Variants in DLG3 observed in about 807,000 individuals in gnomAD.
DLG3 encodes discs large MAGUK scaffold protein 3.
DLG3 carries 1 observed loss-of-function variant against 64.1 expected under a neutral mutation model. The observed-to-expected ratio is 0.02, with a 90% confidence interval of 0.01 to 0.07. The LOEUF (loss-of-function observed/expected upper bound fraction) is 0.07. Among genes scored for constraint, DLG3 ranks in the 10% least tolerant of loss-of-function variants. DLG3 has a pLI of 1.00. For synonymous variants in DLG3, 245 were observed against 259.8 expected, an observed-to-expected ratio of 0.94 and a Z score of 0.55; for missense variants, 429 against 669.5, an observed-to-expected ratio of 0.64 and a Z score of 3.96.
rs6625614 is a variant in DLG3 at position 70,471,487 on chromosome X, G to A, written c.1406-7663G>A. Among the ~76,000 whole-genome samples the A allele has an allele frequency of 9.1e-5, 10 of 110,173 alleles. No homozygotes were observed. In the East Asian group the frequency reaches 2.6e-3, roughly 28 times the overall value. ...TGGGACTACAGGCGCCCGCCACCAC[G>A]CCCGGCTAATTTTTTGTATTTTCAG... is the stretch of plus-strand genomic sequence containing the variant. On this transcript the variant is annotated intron_variant, in intron 9 of 18. Transcript: ENST00000374360.
intron 12 of DLG3, among the ~76,000 whole-genome samples, chrX:70,493,085 G>T (rs937324825): frequency 2.7e-5 from 3 of 111,869 alleles, no homozygotes; most frequent in African/African-American, 9.8e-5. Flanking sequence ...GGTACCTTAG[G>T]GCATGTGTCC....
Position 70,444,911 on chromosome X carries a change from T to G in DLG3, c.-291T>G. 1 of 187,962 alleles carries G rather than the reference T, an allele frequency of 5.3e-6. No homozygotes were observed. Among genetic ancestry groups the G allele is most frequent in the Non-Finnish European group, 9.8e-6 (1 of 101,765 alleles). 15.5% of individuals were successfully genotyped at this position (187,962 alleles called of 1,213,427 possible). On this transcript the variant is annotated 5_prime_UTR_variant, in exon 1 of 19. Transcript: ENST00000374360. ...CCCATTCTCTGCTTGAGCTCCCGCT[T>G]CTTCTTTGCCGCTGGGCCTCGGCCC...
chrX:70,500,099 G>T, intron 16 of DLG3, 50 bp downstream of exon 16: 1 of 1,098,829 alleles, frequency 9.1e-7, no homozygotes, highest in Non-Finnish European at 1.2e-6. Context: ...CTTATGCCAA[G>T]GTTCCACTTG....
At chrX:70,464,208 TC>T (rs1251491427) in intron 9 of DLG3, among the ~76,000 whole-genome samples, 4 of 104,846 alleles carry the variant, frequency 3.8e-5, no homozygotes, top group African/African-American at 1.4e-4. Context: ...TCCTTTCCTT[TC>T]CTTTCCTTTC....
intron 9 of DLG3, among the ~76,000 whole-genome samples, chrX:70,466,110 A>T (rs769246854): frequency 5.4e-5 from 6 of 112,083 alleles, no homozygotes; most frequent in Non-Finnish European, 7.5e-5. Flanking sequence ...ATCCTCACTA[A>T]TGTGGAGTAT....
At chrX:70,494,800 AG>A (rs1317960482) in intron 12 of DLG3, among the ~76,000 whole-genome samples, 1 of 112,519 alleles carries the variant, frequency 8.9e-6, no homozygotes, top group East Asian at 2.8e-4. Context: ...TCATCCCCCA[AG>A]ATCTGTCCAG....
chrX:70,484,744 T>G (rs1337686600), intron 10 of DLG3, among the ~76,000 whole-genome samples: 1 of 111,604 alleles, frequency 9.0e-6, no homozygotes, highest in Non-Finnish European at 1.9e-5. Flanking sequence ...TGCGGGCTAA[T>G]TGGTCCTTGA....
intron 9 of DLG3, among the ~76,000 whole-genome samples, chrX:70,473,130 C>G: frequency 1.1e-5 from 1 of 94,820 alleles, no homozygotes; most frequent in African/African-American, 4.2e-5. Context: ...GCACTCCAGC[C>G]TGGGTGACAA....
chrX:70,464,680 G>A (rs1271330527), intron 9 of DLG3, among the ~76,000 whole-genome samples: 1 of 111,991 alleles, frequency 8.9e-6, no homozygotes, highest in Admixed American at 9.5e-5. Flanking sequence ...AGCAGGCCGG[G>A]TGTGGTGGCT....
rs559220777 is a variant in DLG3, at chrX:70,451,291, C to T, written c.985+508C>T. On this transcript the variant is annotated intron_variant, in intron 6 of 18. Coordinates refer to ENST00000374360, the MANE Select transcript of DLG3 (RefSeq NM_021120.4). ...TAATTTTTTGTATTTTTAGTAGAGACGGGGTTTCTCCATGTTGGCAAGGAT... is the reference window on the plus strand; with the variant it reads ...TAATTTTTTGTATTTTTAGTAGAGATGGGGTTTCTCCATGTTGGCAAGGAT... Among the ~76,000 whole-genome samples the T allele has an allele frequency of 3.9e-4, 43 of 110,765 alleles. 2 individuals are homozygous for T. The South Asian group carries it at 0.016, about 41-fold the overall frequency.
Position 70,449,705 on chromosome X carries a change from G to C in DLG3, c.549G>C (p.Val183=). ...TCCCCCACAGGGTGAATGACTGTGT[G>C]CTGCGGGTGAATGAGGTGGACGTGT... is the stretch of plus-strand genomic sequence containing the variant. ...MDGRLGVNDC[V]LRVNEVDVSE... is the part of the protein sequence containing the mutation. Residue 183 remains valine (V), a synonymous_variant, in exon 4 of 19, where the codon GTG becomes GTC. Transcript: ENST00000374360. 8.3e-7 allele frequency: 1 copy of C among 1,211,049 alleles called. No individual in the cohort carries two copies. Among genetic ancestry groups the C allele is most frequent in the South Asian group, 1.8e-5 (1 of 56,750 alleles).
At chrX:70,458,540 C>G (rs1019793098) in intron 9 of DLG3, among the ~76,000 whole-genome samples, 1 of 111,855 alleles carries the variant, frequency 8.9e-6, no homozygotes, top group Non-Finnish European at 1.9e-5. Context: ...ATCCTCCCAC[C>G]TCGACCTCCC....
At chrX:70,482,015 C>T (rs778119142) in intron 10 of DLG3, among the ~76,000 whole-genome samples, 5 of 111,963 alleles carry the variant, frequency 4.5e-5, no homozygotes, top group Non-Finnish European at 5.6e-5. Flanking sequence ...GCCCTCTCAG[C>T]GCCTCAAACA....
intron 7 of DLG3, 83 bp downstream of exon 7, chrX:70,452,109 C>T (rs2086625096): frequency 1.7e-6 from 2 of 1,149,574 alleles, no homozygotes; most frequent in Admixed American, 4.6e-5. Flanking sequence ...GCCACAGGCT[C>T]CTTGTAGTAT....
intron 9 of DLG3, among the ~76,000 whole-genome samples, chrX:70,457,793 A>G (rs746652415): frequency 1.8e-4 from 20 of 110,560 alleles, no homozygotes; most frequent in Non-Finnish European, 3.4e-4. Flanking sequence ...GGATGGTCTC[A>G]ATCTCCTGAC....
chrX:70,470,255 G>A, intron 9 of DLG3, among the ~76,000 whole-genome samples: 1 of 109,888 alleles, frequency 9.1e-6, no homozygotes, highest in Non-Finnish European at 1.9e-5. Flanking sequence ...TTGAGATGGA[G>A]TCTTGCTCTG....
intron 7 of DLG3, chrX:70,452,313 G>C (rs1190212062): frequency 9.7e-7 from 1 of 1,033,158 alleles, no homozygotes; most frequent in Non-Finnish European, 1.2e-6. Flanking sequence ...AGGGGGCTGA[G>C]GAGGCGAGGG....
intron 9 of DLG3, among the ~76,000 whole-genome samples, chrX:70,467,321 T>C: frequency 8.9e-6 from 1 of 112,511 alleles, no homozygotes; most frequent in Non-Finnish European, 1.9e-5. Flanking sequence ...CTCAGTACCA[T>C]TTGTTAGATA....
intron 9 of DLG3, among the ~76,000 whole-genome samples, chrX:70,462,243 C>CTT (rs141689653): frequency 0.015 from 681 of 46,896 alleles, 12 homozygotes; most frequent in African/African-American, 0.031. Flanking sequence ...TTCTTTCTTT[C>CTT]TTTTTTTTTT....
Sources: allele counts gnomAD v4.1 joint callset (sites outside exome capture counted in the v4.1 genomes callset), GRCh38; gene constraint gnomAD v4.1.1; transcripts MANE v1.5; gene names NCBI Gene and HGNC (gene_info 2026-07-23, HGNC 2026-07-21).